DHX30: variants seen among roughly 807,000 people sequenced by gnomAD.
The protein encoded by DHX30 is DExH-box helicase 30, also known as ATP-dependent RNA helicase DHX30.
DHX30 carries 4 observed loss-of-function variants against 116.9 expected under a neutral mutation model. The observed-to-expected ratio is 0.03, with a 90% CI of 0.02 to 0.08. The LOEUF (loss-of-function observed/expected upper bound fraction) is 0.08, where lower values mean the gene tolerates loss of function less well. DHX30 is among the 10% of genes least tolerant of loss of function. The pLI is 1.00. For missense variants in DHX30, 871 were observed against 1,595.1 expected (o/e 0.55, Z 7.73); for synonymous variants, 697 against 651.7 (o/e 1.07, Z -1.06).
chr3:47,845,956 C>G, intron 10 of DHX30, 104 bp downstream of exon 10: 1 of 1,498,614 alleles, frequency 6.7e-7, no homozygotes, highest in Non-Finnish European at 8.9e-7. Context: ...CCTCCCCATT[C>G]TCTTCACTGA....
intron 18 of DHX30, 40 bp downstream of exon 18, chr3:47,849,119 C>A: frequency 6.2e-7 from 1 of 1,611,804 alleles, no homozygotes; most frequent in Non-Finnish European, 8.5e-7. Flanking sequence ...GCCCCTCCCA[C>A]CCCCACTGAG....
intron 6 of DHX30, among the ~76,000 whole-genome samples, chr3:47,830,144 T>A (rs2036777292): frequency 6.6e-6 from 1 of 150,426 alleles, no homozygotes; most frequent in African/African-American, 2.4e-5. Flanking sequence ...TTTTTTTTAA[T>A]TTTTAAAAAT....
At chr3:47,818,162 T>C (rs752134153) in intron 4 of DHX30, 45 bp downstream of exon 4, 2 of 757,064 alleles carry the variant, frequency 2.6e-6, no homozygotes, top group African/African-American at 3.4e-5. Context: ...GTCCAGGGTC[T>C]GTGGGGAGGT....
At chr3:47,820,323 AAAG>A (rs938288084) in intron 4 of DHX30, among the ~76,000 whole-genome samples, 4 of 152,104 alleles carry the variant, frequency 2.6e-5, no homozygotes, top group Admixed American at 2.6e-4. Flanking sequence ...CAAAAAAAAA[AAAG>A]AGACCTGCGG....
Position 47,829,043 on chromosome 3 carries a change from A to G in DHX30, c.275A>G (p.Lys92Arg), listed in dbSNP as rs1198037302. Residue 92 changes from lysine (K) to arginine (R), a missense_variant, in exon 6 of 22, where the codon AAA (lysine) becomes AGA (arginine). By Grantham distance (26) the Lys-to-Arg change is conservative. Around this residue, in one of 13 missense-constraint regions of DHX30, gnomAD observed 66 missense variants for 153.9 expected, o/e 0.43. Transcript: ENST00000445061. ...CCCCAGAAAGTCACACTGCACATAA[A>G]ATGGCCCAAGAGCGTGGAGGTAGAA... Reference protein sequence around the residue: ...PKKKKVTLHIKWPKSVEVEGY... With the variant: ...PKKKKVTLHIRWPKSVEVEGY... 4 of 1,608,806 alleles carry G rather than the reference A, an allele frequency of 2.5e-6. No homozygotes were observed. The African/African-American group carries it at 4.0e-5, about 16-fold the overall frequency.
At position 47,846,519 on chromosome 3, in the gene DHX30, C is replaced by T. The variant is rs202099313; in HGVS notation, c.1447C>T (p.Arg483Cys). The T allele has an allele frequency of 1.7e-5, 27 of 1,614,048 alleles. No homozygotes were observed. In the East Asian group the frequency reaches 2.0e-4, roughly 12 times the overall value. The change falls in exon 11 of 22, where the codon CGC becomes TGC. Residue 483 changes from arginine (R) to cysteine (C), a missense_variant. Arg to Cys is a radical substitution (Grantham distance 180, BLOSUM62 -3). This residue lies in a region of DHX30 where 63 missense variants were observed against 180.6 expected (regional missense o/e 0.35). Coordinates refer to ENST00000445061, the MANE Select transcript of DHX30 (RefSeq NM_138615.3). The stretch of plus-strand genomic sequence containing the variant: ...CTATGTGACCGAGGGCCGAGGTGCC[C>T]GCTGCAATGTTATCATCACCCAACC... ...ERYVTEGRGA[R>C]CNVIITQPRR...
chr3:47,805,839 C>G (rs563066201), intron 2 of DHX30, among the ~76,000 whole-genome samples: 34 of 152,240 alleles, frequency 2.2e-4, no homozygotes, highest in African/African-American at 7.7e-4. Context: ...CTGTGCCCAG[C>G]CAGAAGGGTA....
intron 3 of DHX30, chr3:47,817,004 A>AT (rs1304825317): frequency 1.0e-6 from 1 of 968,292 alleles, no homozygotes; most frequent in Non-Finnish European, 1.2e-6. Context: ...TGCTTTCAGA[A>AT]TTTTTTGAAA....
In DHX30 at chr3:47,848,554, T is replaced by C; in HGVS notation, c.2575+4T>C. ...GTGATCTTGCTCCAGGAGATCGGTA[T>C]GTAGGGGCTGGGCTGGGCTGGGCTG... On this transcript the variant is annotated splice_donor_region_variant and intron_variant, in intron 16 of 21. Transcript: ENST00000445061. The surrounding 1 kb of genome is among the most constrained non-coding windows in gnomAD (Gnocchi z 9.4). 2 of 1,611,102 alleles carry C rather than the reference T, an allele frequency of 1.2e-6. No individual in the cohort carries two copies. Among genetic ancestry groups the C allele is most frequent in the Non-Finnish European group, 1.7e-6 (2 of 1,179,062 alleles).
At position 47,846,492 on chromosome 3, in the gene DHX30, C is replaced by G. The variant is rs764139820; in HGVS notation, c.1420C>G (p.Arg474Gly). Residue 474 changes from arginine (R) to glycine (G), a missense_variant, in exon 11 of 22, where the codon CGC becomes GGC. This residue lies in a region of DHX30 where 63 missense variants were observed against 180.6 expected (regional missense o/e 0.35). Transcript: ENST00000445061. ...GCGCATCCCCCAGCTGTTGCTGGAG[C>G]GCTATGTGACCGAGGGCCGAGGTGC... is the stretch of plus-strand genomic sequence containing the variant. ...TTRIPQLLLE[R>G]YVTEGRGARC... The G allele has an allele frequency of 6.2e-7, 1 of 1,614,072 alleles. No individual in the cohort carries two copies. Among genetic ancestry groups the G allele is most frequent in the Non-Finnish European group, 8.5e-7 (1 of 1,180,042 alleles).
rs1413395561 is a variant in DHX30 at position 47,848,734 on chromosome 3, C to T, written c.2686C>T (p.Leu896=). Residue 896 remains leucine, a synonymous_variant, in exon 17 of 22, where the codon CTG becomes TTG. Transcript: ENST00000445061. This position sits in a 1 kb window ranked among gnomAD's most constrained non-coding sequence, Gnocchi z 9.4. ...TGTGTTGGCTGCCATCTTCCGTTGC[C>T]TGCACCCACTACTGGTGGTCGTTTC... ...AIVLAAIFRC[L]HPLLVVVSCL... 6.2e-6 allele frequency: 10 copies of T among 1,614,084 alleles called. No homozygotes were observed. In the Admixed American group the frequency reaches 1.7e-4, roughly 27 times the overall value.
chr3:47,846,003 A>G (rs2037588778), intron 10 of DHX30, 151 bp downstream of exon 10: 3 of 1,434,714 alleles, frequency 2.1e-6, no homozygotes, highest in African/African-American at 2.8e-5. Context: ...TGAACAGCCC[A>G]GTCTTGCCCA....
chr3:47,819,501 C>A (rs75557836), intron 4 of DHX30, among the ~76,000 whole-genome samples: 2 of 152,348 alleles, frequency 1.3e-5, no homozygotes, highest in Non-Finnish European at 2.9e-5. Context: ...CTCCAGGAGG[C>A]ATCCGTGGGT....
In DHX30 at chr3:47,841,725, C is replaced by G. The variant is rs1056035600; in HGVS notation, c.777C>G (p.Ser259=). Residue 259 remains serine (S), a synonymous_variant, in exon 8 of 22, where the codon TCC becomes TCG. Transcript: ENST00000445061. ...AGGTGATTCAGATTGCAACGTCATC[C>G]TCCACAGCTAAGGTGAGTTGGGTCT... ...LAKVIQIATS[S]STAKNLMQFH... 6.2e-7 allele frequency: 1 copy of G among 1,614,128 alleles called. No homozygotes were observed. Among genetic ancestry groups the G allele is most frequent in the African/African-American group, 1.3e-5 (1 of 74,946 alleles).
intron 4 of DHX30, chr3:47,825,031 G>C (rs972727242): frequency 9.3e-6 from 6 of 648,462 alleles, no homozygotes; most frequent in African/African-American, 1.9e-5. Flanking sequence ...CGGGGTCGGC[G>C]GGAGCACGAT....
intron 2 of DHX30, among the ~76,000 whole-genome samples, chr3:47,808,413 T>A (rs2035630574): frequency 6.6e-6 from 1 of 151,922 alleles, no homozygotes; most frequent in Non-Finnish European, 1.5e-5. Context: ...AGATGCGGTC[T>A]CACTATGTTG....
At chr3:47,813,891 C>CTTT (rs71070233) in intron 3 of DHX30, among the ~76,000 whole-genome samples, 74 of 80,598 alleles carry the variant, frequency 9.2e-4, no homozygotes, top group East Asian at 1.9e-3. Context: ...TCATCCTGGG[C>CTTT]TTTTTTTTTT....
chr3:47,838,250 G>A (rs542013168), intron 6 of DHX30, among the ~76,000 whole-genome samples: 10 of 152,278 alleles, frequency 6.6e-5, no homozygotes, highest in African/African-American at 2.2e-4. Flanking sequence ...GTTTTCACGC[G>A]TCTATTCTTA....
At chr3:47,826,012 C>G (rs1474475193) in intron 4 of DHX30, 2 of 152,278 alleles carry the variant, frequency 1.3e-5, no homozygotes, top group Non-Finnish European at 2.9e-5. Context: ...AACCAGGCAG[C>G]AGAGTTACAT....
Sources: gnomAD v4.1 joint callset for allele counts (sites outside exome capture counted in the v4.1 genomes callset) on GRCh38, gnomAD v4.1.1 for gene constraint, gnomAD v4.1.1 regional missense constraint, Gnocchi (gnomAD v3.1) non-coding constraint, MANE v1.5 for transcripts, NCBI Gene and HGNC (gene_info 2026-07-23, HGNC 2026-07-21) for gene names.